The following PDE1C variants were observed in gnomAD, a reference collection of about 807,000 sequenced individuals.
PDE1C encodes the protein dual specificity calcium/calmodulin-dependent 3',5'-cyclic nucleotide phosphodiesterase 1C.
PDE1C carries 62 observed loss-of-function variants against 93.1 expected under a neutral mutation model. The observed-to-expected ratio is 0.67, with a 90% CI of 0.54 to 0.82. The LOEUF is 0.82. PDE1C is among the 40% of genes least tolerant of loss of function. The pLI is 0.00. For missense variants in PDE1C, 742 were observed against 884.6 expected, an observed-to-expected ratio of 0.84 and a Z score of 2.04; for synonymous variants, 325 against 310.1, an observed-to-expected ratio of 1.05 and a Z score of -0.50.
chr7:32,186,661 GTAA>G (rs1381762949), intron 2 of PDE1C, among the ~76,000 whole-genome samples: 5 of 151,650 alleles, frequency 3.3e-5, no homozygotes, highest in African/African-American at 9.7e-5. Context: ...ATTAATTAAT[GTAA>G]TAATATTACA....
At chr7:32,112,763 A>G (rs1424785541) in intron 3 of PDE1C, among the ~76,000 whole-genome samples, 3 of 150,648 alleles carry the variant, frequency 2.0e-5, no homozygotes, top group Non-Finnish European at 3.0e-5. Flanking sequence ...CTCAGCCTTA[A>G]AAAGCTTTCT....
the PDE1C span, among the ~76,000 whole-genome samples, chr7:31,731,422 G>A: frequency 4.6e-5 from 7 of 151,458 alleles, no homozygotes; most frequent in African/African-American, 1.2e-4. Context: ...AGAGAGTCTC[G>A]CTCTGTCACC....
At chr7:32,165,974 C>T (rs1802232986) in intron 3 of PDE1C, among the ~76,000 whole-genome samples, 1 of 151,624 alleles carries the variant, frequency 6.6e-6, no homozygotes, top group African/African-American at 2.4e-5. Flanking sequence ...TTGTGATGCA[C>T]ACTCAAGTTT....
chr7:31,994,458 C>T (rs1316825221), intron 2 of PDE1C, among the ~76,000 whole-genome samples: 1 of 152,114 alleles, frequency 6.6e-6, no homozygotes, highest in Non-Finnish European at 1.5e-5. Context: ...CCGGATGACC[C>T]TATGACCTCT....
the PDE1C span, among the ~76,000 whole-genome samples, chr7:31,671,063 A>T: frequency 6.6e-6 from 1 of 152,078 alleles, no homozygotes; most frequent in Non-Finnish European, 1.5e-5. Context: ...CTGGCAATAA[A>T]ATCCCCCACA....
At chr7:31,837,799 G>A (rs1791307847) in intron 10 of PDE1C, 71 bp downstream of exon 10, 1 of 929,984 alleles carries the variant, frequency 1.1e-6, no homozygotes, top group African/African-American at 1.6e-5. Context: ...CTCTTTAAAG[G>A]GATAGCCACA....
At chr7:32,230,392 T>C (rs1807610646) in intron 1 of PDE1C, among the ~76,000 whole-genome samples, 2 of 152,124 alleles carry the variant, frequency 1.3e-5, no homozygotes, top group African/African-American at 4.8e-5. Flanking sequence ...CAGCCCCTAC[T>C]CCTACTGGGC....
chr7:31,887,064 G>C (rs1227747468), intron 2 of PDE1C, among the ~76,000 whole-genome samples: 1 of 152,112 alleles, frequency 6.6e-6, no homozygotes. Context: ...CTGAGTAGAG[G>C]AGCACACATA....
chr7:31,647,943 T>G, the PDE1C span, among the ~76,000 whole-genome samples: 2 of 152,058 alleles, frequency 1.3e-5, no homozygotes, highest in Non-Finnish European at 2.9e-5. Flanking sequence ...CACATATAAG[T>G]GAGTTATTTG....
chr7:32,365,889 C>T (rs1252701508), intron 1 of PDE1C, among the ~76,000 whole-genome samples: 2 of 152,008 alleles, frequency 1.3e-5, no homozygotes, highest in African/African-American at 4.8e-5. Context: ...GCCAGCACAC[C>T]ACACTGAGCT....
chr7:32,211,515 TAAAA>T (rs1006785303), intron 1 of PDE1C, among the ~76,000 whole-genome samples: 1 of 149,948 alleles, frequency 6.7e-6, no homozygotes, highest in African/African-American at 2.4e-5. Context: ...AGCTAAGTAT[TAAAA>T]AAATCTTATG....
chr7:31,847,837 G>T, intron 9 of PDE1C, 131 bp downstream of exon 9: 2 of 945,784 alleles, frequency 2.1e-6, no homozygotes, highest in South Asian at 2.7e-5. Context: ...GAGAGTGAGA[G>T]AAAGAAAGAG....
At chr7:32,129,361 A>G (rs1384610480) in intron 3 of PDE1C, among the ~76,000 whole-genome samples, 1 of 148,462 alleles carries the variant, frequency 6.7e-6, no homozygotes, top group Non-Finnish European at 1.5e-5. Flanking sequence ...GATATAAAAA[A>G]TATTGCAATG....
intron 3 of PDE1C, among the ~76,000 whole-genome samples, chr7:32,103,815 A>G (rs143481364): frequency 1.6e-4 from 25 of 152,324 alleles, no homozygotes; most frequent in African/African-American, 5.8e-4. Context: ...AGTAACTGAT[A>G]TCTACAGCGA....
chr7:32,159,661 G>C (rs1293644682), intron 3 of PDE1C, among the ~76,000 whole-genome samples: 1 of 152,138 alleles, frequency 6.6e-6, no homozygotes, highest in Admixed American at 6.5e-5. Flanking sequence ...GGGAGGAGAA[G>C]TAGAAAGGCA....
chr7:32,137,525 C>G (rs746301611), intron 3 of PDE1C, among the ~76,000 whole-genome samples: 1 of 152,140 alleles, frequency 6.6e-6, no homozygotes, highest in African/African-American at 2.4e-5. Flanking sequence ...AATAATCAAC[C>G]TGATGGGGAA....
At chr7:31,886,649 C>T (rs538176758) in intron 2 of PDE1C, among the ~76,000 whole-genome samples, 4 of 152,148 alleles carry the variant, frequency 2.6e-5, no homozygotes, top group Non-Finnish European at 4.4e-5. Flanking sequence ...CAAAGCCCTC[C>T]CCAGTGGAGT....
intron 3 of PDE1C, among the ~76,000 whole-genome samples, chr7:32,147,272 A>AAGAAAGAAAGAAAG (rs3078680): frequency 2.4e-4 from 23 of 96,680 alleles, no homozygotes; most frequent in East Asian, 8.2e-4. Flanking sequence ...AAGAAAGAAA[A>AAGAAAGAAAGAAAG]AAAGAAAGAA....
At chr7:32,015,781 T>C (rs1787819055) in intron 2 of PDE1C, among the ~76,000 whole-genome samples, 1 of 152,142 alleles carries the variant, frequency 6.6e-6, no homozygotes, top group Non-Finnish European at 1.5e-5. Flanking sequence ...AAGGAGCTTT[T>C]TCATGGAAAT....
Sources: allele counts gnomAD v4.1 joint callset (sites outside exome capture counted in the v4.1 genomes callset), GRCh38; gene constraint gnomAD v4.1.1; transcripts MANE v1.5; gene names NCBI Gene and HGNC (gene_info 2026-07-23, HGNC 2026-07-21).